SLC12A2: variants seen among roughly 807,000 people sequenced by gnomAD.
SLC12A2 encodes solute carrier family 12 member 2.
In SLC12A2, 67 loss-of-function variants were observed where a neutral mutation model predicts 136.3. The ratio of observed to expected loss-of-function variants is 0.49; its 90% confidence interval spans 0.40 to 0.60. SLC12A2 has a LOEUF of 0.60. Ranked by LOEUF, SLC12A2 falls within the 20% of genes least tolerant of loss-of-function variation. The probability of loss-of-function intolerance (pLI) is 0.00; values close to 1 mark genes in which losing one functional copy is unlikely to be tolerated. For synonymous variants in SLC12A2, 619 were observed against 562.9 expected, an observed-to-expected ratio of 1.10 and a Z score of -1.41; for missense variants, 1,322 against 1,534.7, an observed-to-expected ratio of 0.86 and a Z score of 2.32.
chr5:128,174,397 A>T (rs1763477976), intron 19 of SLC12A2, 144 bp from the exon 20 acceptor site: 1 of 576,930 alleles, frequency 1.7e-6, no homozygotes, highest in African/African-American at 2.0e-5. Context: ...TAGTCATTTC[A>T]AACAGATTAT....
At position 128,135,722 on chromosome 5, in the gene SLC12A2, T is replaced by C. The variant is rs144533824; in HGVS notation, c.1322T>C (p.Ile441Thr). Residue 441 changes from isoleucine (I) to threonine (T), a missense_variant, in exon 7 of 27, where the codon ATC becomes ACC. Physicochemically the swap from Ile to Thr is moderately conservative, Grantham distance 89 (BLOSUM62 -1). Around this residue, in one of 8 missense-constraint regions of SLC12A2, gnomAD observed 110 missense variants for 114.5 expected, o/e 0.96. Coordinates refer to ENST00000262461, the MANE Select transcript of SLC12A2 (RefSeq NM_001046.3). ...CAGGCTCAGATTGTTCTTTTGGTGA[T>C]CCTACTTCTTGCTATTGGTGATTTC... ...EAKAQIVLLV[I>T]LLLAIGDFVI... The C allele has an allele frequency of 7.5e-6, 12 of 1,610,448 alleles. No homozygotes were observed. The African/African-American group carries it at 1.5e-4, about 20-fold the overall frequency.
At position 128,084,346 on chromosome 5, in the gene SLC12A2, G is replaced by T; in HGVS notation, c.392G>T (p.Gly131Val). Residue 131 changes from glycine to valine, a missense_variant, in exon 1 of 27, where the codon GGC becomes GTC. Coordinates refer to ENST00000262461, the MANE Select transcript of SLC12A2 (RefSeq NM_001046.3). The surrounding 1 kb of genome is among the most constrained non-coding windows in gnomAD (Gnocchi z 5.6). ...AGCGGCGAGAGCGAGCCGGCTAAAG[G>T]CAGCGAGGAAGCCAAGGGCCGCTTC... Reference protein sequence around the residue: ...EASGESEPAKGSEEAKGRFRV... With the variant: ...EASGESEPAKVSEEAKGRFRV... The T allele has an allele frequency of 1.9e-6, 3 of 1,589,284 alleles. No homozygotes were observed. Among genetic ancestry groups the T allele is most frequent in the South Asian group, 1.1e-5 (1 of 89,034 alleles).
At chr5:128,161,054 G>T (rs904390265) in intron 16 of SLC12A2, among the ~76,000 whole-genome samples, 5 of 152,080 alleles carry the variant, frequency 3.3e-5, no homozygotes, top group African/African-American at 1.2e-4. Context: ...TACATTTAGG[G>T]TGTGTACTCT....
In SLC12A2 at chr5:128,114,220, T is replaced by C. The variant is rs1268033025; in HGVS notation, c.885T>C (p.Cys295=). The C allele has an allele frequency of 6.2e-7, 1 of 1,612,818 alleles. No individual in the cohort carries two copies. The highest frequency in any genetic ancestry group is 1.7e-5 in the Admixed American group (1 of 59,992). Residue 295 remains cysteine, a synonymous_variant, in exon 3 of 27, where the codon TGT becomes TGC. Transcript: ENST00000262461. ...TCTTTTTCCCTCTTTAGGTACGTTG[T>C]ATGTTAAACATTTGGGGTGTGATGC... The part of the protein sequence containing the change: ...FGWIKGVLVR[C]MLNIWGVMLF...
intron 1 of SLC12A2, among the ~76,000 whole-genome samples, chr5:128,105,761 A>G (rs1446443515): frequency 6.6e-6 from 1 of 152,206 alleles, no homozygotes; most frequent in Non-Finnish European, 1.5e-5. Context: ...GATGGAGACC[A>G]GAGTTTCCAT....
intron 7 of SLC12A2, among the ~76,000 whole-genome samples, chr5:128,137,855 A>G (rs1440039581): frequency 6.6e-6 from 1 of 152,192 alleles, no homozygotes; most frequent in African/African-American, 2.4e-5. Flanking sequence ...AAAGCTGTGG[A>G]CCAAAATCTA....
intron 4 of SLC12A2, among the ~76,000 whole-genome samples, chr5:128,118,319 T>G (rs529294874): frequency 2.8e-4 from 43 of 152,304 alleles, no homozygotes; most frequent in African/African-American, 9.9e-4. Context: ...GGAACCAAAC[T>G]TAAATGCCTA....
intron 1 of SLC12A2, among the ~76,000 whole-genome samples, chr5:128,101,181 C>T (rs1051386705): frequency 6.6e-6 from 1 of 151,952 alleles, no homozygotes; most frequent in African/African-American, 2.4e-5. Context: ...CACCAATCAC[C>T]GACAGCACGG....
At chr5:128,184,589 T>C (rs2126761527) in intron 25 of SLC12A2, 88 bp downstream of exon 25, 1 of 1,313,442 alleles carries the variant, frequency 7.6e-7, no homozygotes. Flanking sequence ...GGAGGGTCAG[T>C]TGTATAAATG....
chr5:128,184,405 T>C lies in SLC12A2; in HGVS notation c.3339T>C (p.Leu1113=), dbSNP rs779181131. ...AFEEIIEPYR[L]HEDDKEQDIA... ...AGGAAATCATTGAGCCATACAGACT[T>C]CATGAAGATGATAAAGAGCAAGATA... Residue 1113 remains leucine (L), a synonymous_variant, in exon 25 of 27, where the codon CTT becomes CTC. Coordinates refer to ENST00000262461, the MANE Select transcript of SLC12A2 (RefSeq NM_001046.3). 4 of 1,595,962 alleles carry C rather than the reference T, an allele frequency of 2.5e-6. No individual in the cohort carries two copies. The highest frequency in any genetic ancestry group is 2.6e-6 in the Non-Finnish European group (3 of 1,168,576).
At chr5:128,181,355 G>A (rs1763701967) in intron 23 of SLC12A2, among the ~76,000 whole-genome samples, 1 of 152,074 alleles carries the variant, frequency 6.6e-6, no homozygotes, top group South Asian at 2.1e-4. Flanking sequence ...ACAACAAAAT[G>A]CAGGATGCCA....
At chr5:128,182,600 TTAA>T (rs1426187049) in intron 23 of SLC12A2, among the ~76,000 whole-genome samples, 2 of 152,158 alleles carry the variant, frequency 1.3e-5, no homozygotes, top group Non-Finnish European at 2.9e-5. Flanking sequence ...AATTTTATTA[TTAA>T]TGTCTTTGTC....
rs776094499 is a variant in SLC12A2 at position 128,158,029 on chromosome 5, G to A, written c.2364-24G>A. ...CAGAAACACAAATTTATCTAATTTT[G>A]TTTGTCTTTTCATCTTAAATTAGGC... On this transcript the variant is annotated intron_variant, in intron 15 of 26. Coordinates refer to ENST00000262461, the MANE Select transcript of SLC12A2 (RefSeq NM_001046.3). The A allele has an allele frequency of 3.8e-6, 6 of 1,573,630 alleles. 1 individual carries two copies. In the Admixed American group the frequency reaches 9.2e-5, roughly 24 times the overall value.
intron 1 of SLC12A2, among the ~76,000 whole-genome samples, chr5:128,085,527 G>A (rs1162717922): frequency 1.3e-5 from 2 of 151,914 alleles, no homozygotes. Context: ...GGTCACATAA[G>A]ACTTATTTCT....
intron 26 of SLC12A2, 148 bp downstream of exon 26, chr5:128,185,004 C>A: frequency 3.1e-6 from 2 of 654,672 alleles, no homozygotes. Flanking sequence ...ATATACTATG[C>A]TTTAAGCATA....
chr5:128,083,953 C>CT lies in SLC12A2; in HGVS notation c.-1dup. 1 of 1,234,774 alleles carries CT rather than the reference C, an allele frequency of 8.1e-7. No individual in the cohort carries two copies. Among genetic ancestry groups the CT allele is most frequent in the Non-Finnish European group, 1.0e-6 (1 of 988,690 alleles). The allele number at this position is 1,234,774 out of a possible 1,614,324, so 76.5% of individuals were successfully genotyped here. On this transcript the variant is annotated 5_prime_UTR_variant, in exon 1 of 27. Coordinates refer to ENST00000262461, the MANE Select transcript of SLC12A2 (RefSeq NM_001046.3). ...TGCAGTTCCGCCGGGGGTCGGGCAG[C>CT]TATGGAGCCGCGGCCCACGGCGCCC... is the stretch of plus-strand genomic sequence containing the variant.
At chr5:128,105,233 C>T (rs1420832240) in intron 1 of SLC12A2, among the ~76,000 whole-genome samples, 1 of 152,174 alleles carries the variant, frequency 6.6e-6, no homozygotes, top group African/African-American at 2.4e-5. Context: ...CTGAAACTCA[C>T]AAAAGAGGAC....
At chr5:128,132,443 A>G (rs1194735570) in intron 5 of SLC12A2, among the ~76,000 whole-genome samples, 1 of 152,226 alleles carries the variant, frequency 6.6e-6, no homozygotes, top group Non-Finnish European at 1.5e-5. Flanking sequence ...ATTTAGATGG[A>G]AGATAATGCC....
chr5:128,134,563 G>A (rs1045173250), intron 6 of SLC12A2, among the ~76,000 whole-genome samples: 8 of 152,050 alleles, frequency 5.3e-5, no homozygotes, highest in Admixed American at 3.9e-4. Context: ...TGAGGTCAGT[G>A]TGTTAGTCCA....
Sources: allele counts gnomAD v4.1 joint callset (sites outside exome capture counted in the v4.1 genomes callset), GRCh38; gene constraint gnomAD v4.1.1; regional missense constraint gnomAD v4.1.1; non-coding constraint Gnocchi (gnomAD v3.1); transcripts MANE v1.5; gene names NCBI Gene and HGNC (gene_info 2026-07-23, HGNC 2026-07-21).